FBXO45: variants seen among roughly 807,000 people sequenced by gnomAD.
FBXO45 encodes F-box protein 45, also known as F-box/SPRY domain-containing protein 1.
A neutral mutation model predicts 25.5 loss-of-function variants in FBXO45; 3 were observed. That is an observed-to-expected ratio of 0.12 (90% confidence interval 0.05 to 0.30). The LOEUF (loss-of-function observed/expected upper bound fraction) is 0.30. Ranked by LOEUF, FBXO45 falls within the 10% of genes least tolerant of loss-of-function variation. The probability of loss-of-function intolerance (pLI) is 1.00; values close to 1 mark genes in which losing one functional copy is unlikely to be tolerated. For synonymous variants in FBXO45, 155 were observed against 149.8 expected (o/e 1.03, Z -0.25); for missense variants, 219 against 365.0 (o/e 0.60, Z 3.26).
intron 1 of FBXO45, among the ~76,000 whole-genome samples, chr3:196,571,055 CTGTT>C (rs1215770624): frequency 2.0e-5 from 3 of 152,176 alleles, no homozygotes; most frequent in South Asian, 2.1e-4. Flanking sequence ...TTTACTAGGA[CTGTT>C]TGTGCGTGGT....
rs1736182556 is a variant in FBXO45 at position 196,588,728 on chromosome 3, C to T, written c.*4410C>T. The T allele has an allele frequency of 1.3e-5, 2 of 152,062 alleles. No individual in the cohort carries two copies. Among genetic ancestry groups the T allele is most frequent in the Non-Finnish European group, 1.5e-5 (1 of 68,024 alleles). The allele number at this position is 152,062 out of a possible 1,614,324, so 9.4% of individuals were successfully genotyped here. On this transcript the variant is annotated 3_prime_UTR_variant, in exon 3 of 3. Transcript: ENST00000311630. This position sits in a 1 kb window ranked among gnomAD's most constrained non-coding sequence, Gnocchi z 4.2. ...CATGTAAGCCCAATAGGCAGGTGCT[C>T]ACATATTTGCTGAAGGAACAGAGAA...
rs371861907 is a variant in FBXO45, at chr3:196,573,383, A to G, written c.319-4070A>G. On this transcript the variant is annotated intron_variant, in intron 1 of 2. Coordinates refer to ENST00000311630, the MANE Select transcript of FBXO45 (RefSeq NM_001105573.2). ...GGCTTTGAAATATAGCCTTCAGTCT[A>G]TAGTTTGGGTTTTGTACTACAGTTG... is the stretch of plus-strand genomic sequence containing the variant. Among the ~76,000 whole-genome samples, 12 of 152,330 alleles carry G rather than the reference A, an allele frequency of 7.9e-5. No individual in the cohort carries two copies. In the East Asian group the frequency reaches 1.7e-3, roughly 22 times the overall value.
intron 1 of FBXO45, among the ~76,000 whole-genome samples, chr3:196,571,117 G>T (rs1577594319): frequency 6.6e-6 from 1 of 152,200 alleles, no homozygotes; most frequent in South Asian, 2.1e-4. Flanking sequence ...GAGTACAGAC[G>T]ATTGGAATTT....
chr3:196,579,470 T>C (rs532500807), intron 2 of FBXO45, among the ~76,000 whole-genome samples: 1 of 152,318 alleles, frequency 6.6e-6, no homozygotes, highest in South Asian at 2.1e-4. Context: ...CTTGTAATGA[T>C]TTTGTAAGTG....
In FBXO45 at chr3:196,577,480, A is replaced by C; in HGVS notation, c.346A>C (p.Thr116Pro). ...KIRAFQHAFSTNDCSRNVYIK... is the reference protein window; with the variant it reads ...KIRAFQHAFSPNDCSRNVYIK... ...ACGTGCTTTTCAACATGCCTTCAGC[A>C]CTAATGACTGCTCCAGGAATGTCTA... Residue 116 changes from threonine to proline, a missense_variant, in exon 2 of 3, where the codon ACT (threonine) becomes CCT (proline). Physicochemically the swap from Thr to Pro is conservative, Grantham distance 38. Around this residue, in one of 4 missense-constraint regions of FBXO45, gnomAD observed 138 missense variants for 157.3 expected, o/e 0.88. Transcript: ENST00000311630. The C allele has an allele frequency of 6.2e-7, 1 of 1,609,242 alleles. No individual in the cohort carries two copies. The highest frequency in any genetic ancestry group is 8.5e-7 in the Non-Finnish European group (1 of 1,175,868).
chr3:196,587,188 T>G lies in FBXO45; in HGVS notation c.*2870T>G, dbSNP rs201611872. 6.6e-6 allele frequency: 1 copy of G among 152,206 alleles called. No homozygotes were observed. Among genetic ancestry groups the G allele is most frequent in the South Asian group, 2.1e-4 (1 of 4,834 alleles). The allele number at this position is 152,206 out of a possible 1,614,324, so 9.4% of individuals were successfully genotyped here. On this transcript the variant is annotated 3_prime_UTR_variant, in exon 3 of 3. Transcript: ENST00000311630. ...TCTTCTGTCATACTGAGACAGGCTG[T>G]TTTAATTACCTGGTTTTACATAGGA...
chr3:196,568,853 A>G lies in FBXO45; in HGVS notation c.-132A>G, dbSNP rs1735702919. ...CCCCGGGCAGGGGCGGGAGTGGTGGAGGCGCCGGCGGTTGGCACTGACAGG... is the reference window on the plus strand; with the variant it reads ...CCCCGGGCAGGGGCGGGAGTGGTGGGGGCGCCGGCGGTTGGCACTGACAGG... On this transcript the variant is annotated 5_prime_UTR_variant, in exon 1 of 3. Coordinates refer to ENST00000311630, the MANE Select transcript of FBXO45 (RefSeq NM_001105573.2). 3 of 606,600 alleles carry G rather than the reference A, an allele frequency of 4.9e-6. No individual in the cohort carries two copies. Among genetic ancestry groups the G allele is most frequent in the Non-Finnish European group, 6.2e-6 (3 of 483,818 alleles). 37.6% of individuals were successfully genotyped at this position (606,600 alleles called of 1,614,324 possible). A position where few individuals can be genotyped will look rare whatever the true frequency, so the allele number is the denominator to read the frequency against.
intron 1 of FBXO45, among the ~76,000 whole-genome samples, chr3:196,576,767 GAGATT>G (rs1455110574): frequency 7.2e-5 from 11 of 152,322 alleles, no homozygotes; most frequent in African/African-American, 2.6e-4. Flanking sequence ...TTGGTAAAAT[GAGATT>G]GGTGATTTTT....
chr3:196,582,992 A>G (rs934956605), intron 2 of FBXO45, among the ~76,000 whole-genome samples: 8 of 152,084 alleles, frequency 5.3e-5, no homozygotes, highest in African/African-American at 1.4e-4. Flanking sequence ...CCTCACCCCA[A>G]CATAATCTCT....
chr3:196,581,222 C>CTTTTTT (rs1560319177), intron 2 of FBXO45, among the ~76,000 whole-genome samples: 1 of 75,924 alleles, frequency 1.3e-5, no homozygotes, highest in Non-Finnish European at 2.8e-5. Context: ...TTTTCTTTTT[C>CTTTTTT]CTTTTTTTTT....
At position 196,585,701 on chromosome 3, in the gene FBXO45, A is replaced by G. The variant is rs1736093230; in HGVS notation, c.*1383A>G. 6.6e-6 allele frequency: 1 copy of G among 152,244 alleles called. No homozygotes were observed. Among genetic ancestry groups the G allele is most frequent in the South Asian group, 2.1e-4 (1 of 4,832 alleles). The allele number at this position is 152,244 out of a possible 1,614,324, so 9.4% of individuals were successfully genotyped here. Reference sequence around the variant, plus strand: ...AATAATCCAACCCACATGAGCTGAGAGTTTTTCTTTTGTTAGAAAAGAAAC... The same window carrying G: ...AATAATCCAACCCACATGAGCTGAGGGTTTTTCTTTTGTTAGAAAAGAAAC... On this transcript the variant is annotated 3_prime_UTR_variant, in exon 3 of 3. Transcript: ENST00000311630.
chr3:196,570,712 C>CTTTTTTTTTTT (rs71161937), intron 1 of FBXO45, among the ~76,000 whole-genome samples: 1 of 99,850 alleles, frequency 1.0e-5, no homozygotes, highest in Non-Finnish European at 2.2e-5. Flanking sequence ...TTTCTTTTTT[C>CTTTTTTTTTTT]TTTTTTTTTT....
intron 2 of FBXO45, among the ~76,000 whole-genome samples, chr3:196,579,786 T>G (rs1365917319): frequency 6.6e-6 from 1 of 152,236 alleles, no homozygotes. Flanking sequence ...GTTCTCTCAG[T>G]GTTTGCTTCA....
chr3:196,577,965 A>T (rs1473957062), intron 2 of FBXO45, among the ~76,000 whole-genome samples, 156 bp downstream of exon 2: 3 of 135,730 alleles, frequency 2.2e-5, no homozygotes, highest in Non-Finnish European at 4.7e-5. Flanking sequence ...CTTCAAGGAG[A>T]TTTTTTTTTT....
At chr3:196,573,100 A>T (rs986983155) in intron 1 of FBXO45, among the ~76,000 whole-genome samples, 5 of 150,760 alleles carry the variant, frequency 3.3e-5, no homozygotes, top group African/African-American at 7.3e-5. Context: ...TTTTATTATT[A>T]TTTTTTTTTG....
Position 196,568,778 on chromosome 3 carries a change from C to G in FBXO45, c.-207C>G, listed in dbSNP as rs1462432714. On this transcript the variant is annotated 5_prime_UTR_variant, in exon 1 of 3. Coordinates refer to ENST00000311630, the MANE Select transcript of FBXO45 (RefSeq NM_001105573.2). ...CCGCGGAGGAGGGGCGGAGGACGCC[C>G]CTGCAGCCGGTGCGTCTGCCCTCAG... 1 of 187,308 alleles carries G rather than the reference C, an allele frequency of 5.3e-6. No individual in the cohort carries two copies. The highest frequency in any genetic ancestry group is 1.9e-4 in the East Asian group (1 of 5,324). 11.6% of individuals were successfully genotyped at this position (187,308 alleles called of 1,614,324 possible).
At position 196,587,003 on chromosome 3, in the gene FBXO45, T is replaced by C. The variant is rs1485115413; in HGVS notation, c.*2685T>C. 6.6e-6 allele frequency: 1 copy of C among 152,226 alleles called. No homozygotes were observed. Among genetic ancestry groups the C allele is most frequent in the Non-Finnish European group, 1.5e-5 (1 of 68,048 alleles). The allele number at this position is 152,226 out of a possible 1,614,324, so 9.4% of individuals were successfully genotyped here. A position where few individuals can be genotyped will look rare whatever the true frequency, so the allele number is the denominator to read the frequency against. The stretch of plus-strand genomic sequence containing the variant: ...TGCTTGTGCCGTGGATGAAAAGTGC[T>C]ATTAAAAGTCAAAGGAGTGTTCTGT... On this transcript the variant is annotated 3_prime_UTR_variant, in exon 3 of 3. Transcript: ENST00000311630.
intron 1 of FBXO45, 81 bp from the exon 2 acceptor site, chr3:196,577,372 T>TA: frequency 1.9e-6 from 2 of 1,058,556 alleles, no homozygotes; most frequent in Non-Finnish European, 2.7e-6. Context: ...TTTAAAAACA[T>TA]ACAGCGTGAA....
chr3:196,575,308 T>C (rs758025960), intron 1 of FBXO45, among the ~76,000 whole-genome samples: 3 of 151,784 alleles, frequency 2.0e-5, no homozygotes, highest in Non-Finnish European at 2.9e-5. Flanking sequence ...ATTCAAAAAT[T>C]AGCCGGGTGT....
Sources: gnomAD v4.1 joint callset for allele counts (sites outside exome capture counted in the v4.1 genomes callset) on GRCh38, gnomAD v4.1.1 for gene constraint, gnomAD v4.1.1 regional missense constraint, Gnocchi (gnomAD v3.1) non-coding constraint, MANE v1.5 for transcripts, NCBI Gene and HGNC (gene_info 2026-07-23, HGNC 2026-07-21) for gene names.